Variants in MTCH2 observed in about 807,000 individuals in gnomAD.
The protein encoded by MTCH2 is mitochondrial carrier homolog 2.
A neutral mutation model predicts 50.6 loss-of-function variants in MTCH2; 25 were observed. The ratio of observed to expected loss-of-function variants is 0.49; its 90% CI spans 0.36 to 0.69. The LOEUF is 0.69. Ranked by LOEUF, MTCH2 falls within the 30% of genes least tolerant of loss-of-function variation. The probability of loss-of-function intolerance (pLI) is 0.00; values close to 1 mark genes in which losing one functional copy is unlikely to be tolerated. For missense variants in MTCH2, 273 were observed against 384.4 expected, an observed-to-expected ratio of 0.71 and a Z score of 2.42; for synonymous variants, 106 against 132.0, an observed-to-expected ratio of 0.80 and a Z score of 1.35.
chr11:47,630,981 C>G (rs1370385191), intron 7 of MTCH2, 55 bp downstream of exon 7: 8 of 1,333,754 alleles, frequency 6.0e-6, no homozygotes, highest in Non-Finnish European at 8.6e-6. Context: ...TAGTATTATT[C>G]TAGTACTTTG....
intron 3 of MTCH2, 61 bp from the exon 4 acceptor site, chr11:47,635,632 A>G: frequency 6.6e-7 from 1 of 1,512,794 alleles, no homozygotes; most frequent in Non-Finnish European, 9.0e-7. Flanking sequence ...AAGAAGACAT[A>G]AAATGAAAAC....
the MTCH2 span, among the ~76,000 whole-genome samples, chr11:47,612,224 G>C: frequency 5.3e-5 from 8 of 152,006 alleles, no homozygotes; most frequent in Non-Finnish European, 1.2e-4. Flanking sequence ...GACCAGCCTG[G>C]GCAACAATAT....
At chr11:47,609,584 G>C in the MTCH2 span, among the ~76,000 whole-genome samples, 1 of 139,816 alleles carries the variant, frequency 7.2e-6, no homozygotes, top group Non-Finnish European at 1.5e-5. Context: ...TTGGGATCGT[G>C]CCACTGCACT....
chr11:47,630,859 AC>A (rs1447218387), intron 7 of MTCH2, among the ~76,000 whole-genome samples, 176 bp downstream of exon 7: 1 of 152,164 alleles, frequency 6.6e-6, no homozygotes, highest in East Asian at 1.9e-4. Context: ...TACGTAGGCT[AC>A]TAAACCTGCC....
At chr11:47,630,156 G>A (rs1225580712) in intron 8 of MTCH2, among the ~76,000 whole-genome samples, 1 of 152,144 alleles carries the variant, frequency 6.6e-6, no homozygotes, top group Non-Finnish European at 1.5e-5. Context: ...AGCCTCCCGA[G>A]TAGCTGGGAT....
downstream of MTCH2, among the ~76,000 whole-genome samples, chr11:47,614,276 G>A (rs974993365): frequency 2.0e-5 from 3 of 151,518 alleles, no homozygotes; most frequent in Admixed American, 6.6e-5. Context: ...CTATGATTTC[G>A]AGTGAGTTGC....
At chr11:47,636,347 T>C (rs955944071) in intron 3 of MTCH2, among the ~76,000 whole-genome samples, 3 of 151,456 alleles carry the variant, frequency 2.0e-5, no homozygotes, top group Non-Finnish European at 4.4e-5. Flanking sequence ...GACAGGAGAA[T>C]TGCTTGAACC....
At chr11:47,641,547 T>C (rs763452188) in intron 1 of MTCH2, among the ~76,000 whole-genome samples, 2 of 152,138 alleles carry the variant, frequency 1.3e-5, no homozygotes, top group African/African-American at 2.4e-5. Flanking sequence ...AAAAAAAGAA[T>C]GACCTGCCCA....
chr11:47,642,483 G>A lies in MTCH2; in HGVS notation c.-18C>T. 6.8e-7 allele frequency: 1 copy of A among 1,464,596 alleles called. No homozygotes were observed. The allele number at this position is 1,464,596 out of a possible 1,614,324, so 90.7% of individuals were successfully genotyped here. On this transcript the variant is annotated 5_prime_UTR_variant, in exon 1 of 13. Coordinates refer to ENST00000302503, the MANE Select transcript of MTCH2 (RefSeq NM_014342.4). ...TCCGCCATGATGGCACCCGCGGGCG[G>A]ACGGACAGACAGACGGAGCCACCAA...
the MTCH2 span, among the ~76,000 whole-genome samples, chr11:47,611,533 G>T: frequency 6.6e-6 from 1 of 152,242 alleles, no homozygotes; most frequent in South Asian, 2.1e-4. Context: ...CACTGCCAGG[G>T]AATAGTCCAT....
chr11:47,628,077 T>C (rs567298538), intron 9 of MTCH2, among the ~76,000 whole-genome samples: 33 of 152,182 alleles, frequency 2.2e-4, no homozygotes, highest in African/African-American at 7.9e-4. Context: ...TTGAAGAAAA[T>C]CCCTCTCTGT....
intron 3 of MTCH2, 91 bp downstream of exon 3, chr11:47,638,608 G>T (rs2097311049): frequency 1.1e-3 from 642 of 577,328 alleles, no homozygotes; most frequent in Middle Eastern, 1.7e-3. Flanking sequence ...GGTTATAAAT[G>T]TATCTTTTAA....
At chr11:47,628,802 T>C in intron 9 of MTCH2, 151 bp downstream of exon 9, 1 of 589,162 alleles carries the variant, frequency 1.7e-6, no homozygotes, top group Admixed American at 3.0e-5. Context: ...GGTCTCGAAC[T>C]CTTGATCTCA....
chr11:47,608,975 A>ACC, the MTCH2 span, among the ~76,000 whole-genome samples: 1 of 148,262 alleles, frequency 6.7e-6, no homozygotes, highest in East Asian at 2.0e-4. Flanking sequence ...AAAAAAAAAA[A>ACC]AAAGTAGGGT....
chr11:47,622,706 T>C lies in MTCH2; in HGVS notation c.820A>G (p.Lys274Glu), dbSNP rs1328947184. 2 of 1,591,728 alleles carry C rather than the reference T, an allele frequency of 1.3e-6. No homozygotes were observed. The highest frequency in any genetic ancestry group is 1.2e-5 in the South Asian group (1 of 86,044). ...SWIDCWCMLQKEGNMSRGNSL... is the reference protein window; with the variant it reads ...SWIDCWCMLQEEGNMSRGNSL... ...AGACAGAGAAAAAGAAATACCTCTT[T>C]TTGTAGCATGCACCAACAGTCTATC... Residue 274 changes from lysine to glutamate, a missense_variant, in exon 12 of 13, where the codon AAA becomes GAA. This residue lies in a region of MTCH2 where 70 missense variants were observed against 140.1 expected (regional missense o/e 0.50). Transcript: ENST00000302503.
chr11:47,609,317 G>C, the MTCH2 span, among the ~76,000 whole-genome samples: 2 of 151,312 alleles, frequency 1.3e-5, no homozygotes. Context: ...TTAGCCGGAT[G>C]TGGTGGCAGG....
At chr11:47,604,939 G>GT in the MTCH2 span, among the ~76,000 whole-genome samples, 169 of 149,490 alleles carry the variant, frequency 1.1e-3, no homozygotes, top group Admixed American at 6.3e-3. Flanking sequence ...TGTTTTTTTT[G>GT]TTTTTTTTTG....
chr11:47,634,581 C>T, intron 5 of MTCH2, 91 bp downstream of exon 5: 1 of 978,736 alleles, frequency 1.0e-6, no homozygotes, highest in Non-Finnish European at 1.6e-6. Context: ...GGAACAGACA[C>T]TGAACACACA....
chr11:47,604,694 C>T, the MTCH2 span, among the ~76,000 whole-genome samples: 12 of 152,230 alleles, frequency 7.9e-5, no homozygotes, highest in Admixed American at 2.6e-4. Context: ...CAGTAGAATA[C>T]GATGCATCCC....
Sources: allele counts gnomAD v4.1 joint callset (sites outside exome capture counted in the v4.1 genomes callset), GRCh38; gene constraint gnomAD v4.1.1; regional missense constraint gnomAD v4.1.1; transcripts MANE v1.5; gene names NCBI Gene and HGNC (gene_info 2026-07-23, HGNC 2026-07-21).